Variants in KIAA0825 observed in about 807,000 individuals in gnomAD.
The protein encoded by KIAA0825 is KIAA0825.
In KIAA0825, 119 loss-of-function variants were observed where a neutral mutation model predicts 147.6. That is an observed-to-expected ratio of 0.81 (90% CI 0.69 to 0.94). KIAA0825 has a LOEUF of 0.94. Ranked by LOEUF, KIAA0825 falls within the 40% of genes least tolerant of loss-of-function variation. The probability of loss-of-function intolerance (pLI) is 0.00; values close to 1 mark genes in which losing one functional copy is unlikely to be tolerated. For synonymous variants in KIAA0825, 470 were observed against 518.1 expected, an observed-to-expected ratio of 0.91 and a Z score of 1.26; for missense variants, 1,381 against 1,472.7, an observed-to-expected ratio of 0.94 and a Z score of 1.02.
At chr5:94,541,065 G>T (rs543924191) in intron 2 of KIAA0825, among the ~76,000 whole-genome samples, 1 of 152,332 alleles carries the variant, frequency 6.6e-6, no homozygotes, top group South Asian at 2.1e-4. Flanking sequence ...AGTTGTGAAA[G>T]AATTTATGAA....
At chr5:94,464,770 T>C in intron 11 of KIAA0825, 99 bp downstream of exon 11, 1 of 951,614 alleles carries the variant, frequency 1.1e-6, no homozygotes, top group Non-Finnish European at 1.5e-6. Flanking sequence ...AGAAACATGT[T>C]AAATATATAA....
chr5:94,352,263 T>A (rs1783757854), intron 20 of KIAA0825, among the ~76,000 whole-genome samples: 1 of 152,090 alleles, frequency 6.6e-6, no homozygotes. Context: ...GCTAAGGACA[T>A]AAACAGACAA....
At chr5:94,260,324 T>G (rs1369656277) in intron 20 of KIAA0825, among the ~76,000 whole-genome samples, 1 of 152,174 alleles carries the variant, frequency 6.6e-6, no homozygotes, top group African/African-American at 2.4e-5. Context: ...AAGGAGTGAA[T>G]GCACTTAGCA....
intron 14 of KIAA0825, among the ~76,000 whole-genome samples, chr5:94,431,394 G>A (rs976492072): frequency 6.6e-6 from 1 of 152,208 alleles, no homozygotes; most frequent in African/African-American, 2.4e-5. Context: ...TATGCTGTCA[G>A]TACCAGTCTA....
intron 20 of KIAA0825, among the ~76,000 whole-genome samples, chr5:94,188,925 T>G (rs945634068): frequency 6.6e-6 from 1 of 152,224 alleles, no homozygotes; most frequent in South Asian, 2.1e-4. Flanking sequence ...TACATCTTTG[T>G]CAACACTTAT....
intron 15 of KIAA0825, 63 bp downstream of exon 15, chr5:94,417,138 T>C (rs1225132124): frequency 7.0e-7 from 1 of 1,437,614 alleles, no homozygotes; most frequent in Non-Finnish European, 9.5e-7. Context: ...CTTCTAAACA[T>C]CTTTAAAGGT....
At chr5:94,337,289 A>C (rs951272044) in intron 20 of KIAA0825, among the ~76,000 whole-genome samples, 6 of 152,178 alleles carry the variant, frequency 3.9e-5, no homozygotes, top group Admixed American at 2.0e-4. Flanking sequence ...ATTGGTATGG[A>C]TCTTATTTCA....
At chr5:94,518,735 T>A (rs1253095974) in intron 5 of KIAA0825, among the ~76,000 whole-genome samples, 1 of 152,114 alleles carries the variant, frequency 6.6e-6, no homozygotes, top group East Asian at 1.9e-4. Context: ...TGGGAAATAA[T>A]CTATGCACCT....
intron 20 of KIAA0825, among the ~76,000 whole-genome samples, chr5:94,201,655 C>T (rs1431478596): frequency 1.3e-5 from 2 of 149,762 alleles, no homozygotes; most frequent in African/African-American, 5.0e-5. Context: ...TGCTATGTTA[C>T]CCAGTCTGGT....
chr5:94,341,462 G>A (rs1782371830), intron 20 of KIAA0825, among the ~76,000 whole-genome samples: 1 of 152,152 alleles, frequency 6.6e-6, no homozygotes, highest in Non-Finnish European at 1.5e-5. Flanking sequence ...AGTACACCTA[G>A]CTGATCTCAA....
At chr5:94,356,631 A>T (rs1373165182) in intron 20 of KIAA0825, among the ~76,000 whole-genome samples, 1 of 151,820 alleles carries the variant, frequency 6.6e-6, no homozygotes, top group Non-Finnish European at 1.5e-5. Context: ...AAAAGACAAA[A>T]AAAACACATG....
At chr5:94,199,871 G>A (rs910706388) in intron 20 of KIAA0825, among the ~76,000 whole-genome samples, 1 of 152,166 alleles carries the variant, frequency 6.6e-6, no homozygotes, top group Non-Finnish European at 1.5e-5. Context: ...TTGTGGTGGT[G>A]GCCACTGGAA....
intron 5 of KIAA0825, among the ~76,000 whole-genome samples, chr5:94,518,743 C>A (rs1436632191): frequency 6.6e-6 from 1 of 152,048 alleles, no homozygotes; most frequent in Non-Finnish European, 1.5e-5. Context: ...AATCTATGCA[C>A]CTACACTTGT....
chr5:94,422,118 GGCACCTTGGCATTTGAGAAAATA>G (rs1754258959), intron 14 of KIAA0825, among the ~76,000 whole-genome samples: 1 of 152,034 alleles, frequency 6.6e-6, no homozygotes, highest in African/African-American at 2.4e-5. Flanking sequence ...CCCAAAATAT[GGCACCTTGGCATTTGAGAAAATA>G]GCAGAAGCAG....
chr5:94,223,603 C>T (rs1186896261), intron 20 of KIAA0825, among the ~76,000 whole-genome samples: 3 of 152,196 alleles, frequency 2.0e-5, no homozygotes, highest in Admixed American at 6.5e-5. Context: ...ACTCCACTTA[C>T]AAACAGTGTT....
At chr5:94,526,472 A>C (rs546190088) in intron 3 of KIAA0825, among the ~76,000 whole-genome samples, 1 of 152,130 alleles carries the variant, frequency 6.6e-6, no homozygotes, top group South Asian at 2.1e-4. Context: ...CATATGTCTC[A>C]ACATTTCTTA....
intron 1 of KIAA0825, chr5:94,593,500 TA>T (rs1273345771): frequency 1.6e-6 from 1 of 641,028 alleles, no homozygotes; most frequent in East Asian, 2.6e-5. Context: ...TAGATATCAT[TA>T]TCAACCACTA....
rs1316965657 is a variant in KIAA0825 at position 94,153,830 on chromosome 5, A to G, written c.*177T>C. 1.2e-5 allele frequency: 5 copies of G among 434,044 alleles called. No homozygotes were observed. 26.9% of individuals were successfully genotyped at this position (434,044 alleles called of 1,614,324 possible). A position where few individuals can be genotyped will look rare whatever the true frequency, so the allele number is the denominator to read the frequency against. On this transcript the variant is annotated 3_prime_UTR_variant, in exon 21 of 21. Transcript: ENST00000682413. ...AACATTTGAAATTATTTTTAAAATAAAAAAATATGTAGCACCTTATCCTTT... is the reference window on the plus strand; with the variant it reads ...AACATTTGAAATTATTTTTAAAATAGAAAAATATGTAGCACCTTATCCTTT...
chr5:94,292,951 G>A (rs9764893), intron 20 of KIAA0825, among the ~76,000 whole-genome samples: 31,422 of 151,686 alleles, frequency 0.21, 3,682 homozygotes, highest in Non-Finnish European at 0.26. Context: ...TGGGATCAGC[G>A]GTGATATTTC....
Sources: gnomAD v4.1 joint callset for allele counts (sites outside exome capture counted in the v4.1 genomes callset) on GRCh38, gnomAD v4.1.1 for gene constraint, MANE v1.5 for transcripts, NCBI Gene and HGNC (gene_info 2026-07-23, HGNC 2026-07-21) for gene names.